Variants in TMLHE observed in about 807,000 individuals in gnomAD.
TMLHE encodes trimethyllysine dioxygenase, mitochondrial.
TMLHE carries 18 observed loss-of-function variants against 25.7 expected under a neutral mutation model. The ratio of observed to expected loss-of-function variants is 0.70; its 90% CI spans 0.48 to 1.04. The LOEUF is 1.04. Among genes scored for constraint, TMLHE ranks in the 50% least tolerant of loss-of-function variants. The pLI, the probability that TMLHE is intolerant of heterozygous loss-of-function variation, is 0.00. For synonymous variants in TMLHE, 105 were observed against 97.0 expected, an observed-to-expected ratio of 1.08 and a Z score of -0.49; for missense variants, 236 against 259.0, an observed-to-expected ratio of 0.91 and a Z score of 0.61.
In TMLHE at chrX:155,546,533, T is replaced by C. The variant is rs1557338709; in HGVS notation, c.-1-1256A>G. The stretch of plus-strand genomic sequence containing the variant: ...GAGTGCCTGTGTGTGTGTGCGCGCA[T>C]GCGTATGTGTGGGTATGTGAGTTGT... On this transcript the variant is annotated intron_variant, in intron 1 of 7. Coordinates refer to ENST00000334398, the MANE Select transcript of TMLHE (RefSeq NM_018196.4). Among the ~76,000 whole-genome samples, 3 of 110,639 alleles carry C rather than the reference T, an allele frequency of 2.7e-5. No individual in the cohort carries two copies. The Admixed American group carries it at 2.9e-4, about 11-fold the overall frequency.
chrX:155,563,251 C>G (rs2067502619), intron 1 of TMLHE, among the ~76,000 whole-genome samples: 1 of 62,683 alleles, frequency 1.6e-5, no homozygotes, highest in African/African-American at 3.5e-5. Flanking sequence ...CCTCATGAAA[C>G]TTAAAATTAT....
At chrX:155,558,517 A>G (rs1340710514) in intron 1 of TMLHE, among the ~76,000 whole-genome samples, 4 of 111,962 alleles carry the variant, frequency 3.6e-5, no homozygotes, top group Non-Finnish European at 7.5e-5. Context: ...CATGGTTCCT[A>G]GTACTTAGCA....
At chrX:155,532,417 A>T (rs1248934636) in intron 2 of TMLHE, among the ~76,000 whole-genome samples, 1 of 111,949 alleles carries the variant, frequency 8.9e-6, no homozygotes, top group Non-Finnish European at 1.9e-5. Context: ...ACCTCCATGT[A>T]CCTATATTAT....
intron 1 of TMLHE, among the ~76,000 whole-genome samples, chrX:155,590,006 C>A (rs1259157714): frequency 9.0e-5 from 10 of 111,625 alleles, no homozygotes; most frequent in Admixed American, 8.6e-4. Flanking sequence ...AAGACATTCC[C>A]AAATGGATAA....
chrX:155,510,231 C>A (rs1342705464), intron 5 of TMLHE, among the ~76,000 whole-genome samples: 1 of 48,022 alleles, frequency 2.1e-5, no homozygotes, highest in South Asian at 1.1e-3. Context: ...GATGAGTTTT[C>A]TTTTTATTTT....
At chrX:155,594,377 A>AT (rs1295019473) in intron 1 of TMLHE, among the ~76,000 whole-genome samples, 1 of 111,546 alleles carries the variant, frequency 9.0e-6, no homozygotes, top group African/African-American at 3.3e-5. Context: ...TGAGGAAGCA[A>AT]TTTTTAAAAA....
At chrX:155,611,839 T>C (rs1557348373) in intron 1 of TMLHE, among the ~76,000 whole-genome samples, 1 of 112,144 alleles carries the variant, frequency 8.9e-6, no homozygotes. Flanking sequence ...TTTGTCTTTA[T>C]AGTTAATGTA....
intron 5 of TMLHE, among the ~76,000 whole-genome samples, chrX:155,510,950 T>C (rs782212073): frequency 1.8e-5 from 2 of 109,909 alleles, no homozygotes; most frequent in African/African-American, 6.6e-5. Context: ...TTCTAACTGG[T>C]GTGAGATGGT....
chrX:155,512,184 T>C (rs370063539), intron 4 of TMLHE, among the ~76,000 whole-genome samples: 1 of 111,041 alleles, frequency 9.0e-6, no homozygotes, highest in South Asian at 3.7e-4. Flanking sequence ...ATTATTATTA[T>C]ACTTTAAGTT....
intron 3 of TMLHE, among the ~76,000 whole-genome samples, chrX:155,520,105 T>C (rs1412825980): frequency 1.6e-4 from 1 of 6,276 alleles, no homozygotes; most frequent in African/African-American, 3.3e-4. Flanking sequence ...TGATGCAGTT[T>C]CTTCCTAGTC....
chrX:155,561,224 G>A (rs1157094936), intron 1 of TMLHE, among the ~76,000 whole-genome samples: 7 of 61,614 alleles, frequency 1.1e-4, no homozygotes, highest in African/African-American at 2.5e-4. Context: ...AGTTCTACAT[G>A]GTTGGAGAGA....
At chrX:155,524,324 A>G in intron 3 of TMLHE, 132 bp downstream of exon 3, 1 of 555,333 alleles carries the variant, frequency 1.8e-6, no homozygotes, top group Non-Finnish European at 2.7e-6. Context: ...ATGTTTCAAA[A>G]AATCCTTCCA....
chrX:155,531,591 G>C (rs965451982), intron 2 of TMLHE, among the ~76,000 whole-genome samples: 3 of 111,765 alleles, frequency 2.7e-5, no homozygotes, highest in Non-Finnish European at 5.6e-5. Flanking sequence ...ATTTGGAGGA[G>C]ACAAACATCC....
rs1458962935 is a variant in TMLHE, at chrX:155,572,606, C to T, written c.-1-27329G>A. Among the ~76,000 whole-genome samples, 15 of 57,121 alleles carry T rather than the reference C, an allele frequency of 2.6e-4. 5 individuals carry two copies. In the East Asian group the frequency reaches 9.5e-3, roughly 36 times the overall value. 49.6% of individuals were successfully genotyped at this position (57,121 alleles called of 115,157 possible). A position where few individuals can be genotyped will look rare whatever the true frequency, so the allele number is the denominator to read the frequency against. ...AACTATACCGCAAGGCTACAGTAACCAAAACAGCATGGTACTGGTACCAAA... is the reference window on the plus strand; with the variant it reads ...AACTATACCGCAAGGCTACAGTAACTAAAACAGCATGGTACTGGTACCAAA... On this transcript the variant is annotated intron_variant, in intron 1 of 7. Transcript: ENST00000334398.
chrX:155,529,033 A>G (rs782141488), intron 2 of TMLHE, among the ~76,000 whole-genome samples: 1 of 112,075 alleles, frequency 8.9e-6, no homozygotes, highest in East Asian at 2.8e-4. Flanking sequence ...ATTAAGCAAT[A>G]GTTTTTAAAA....
chrX:155,543,549 T>A (rs1340043507), intron 2 of TMLHE, among the ~76,000 whole-genome samples: 1 of 112,107 alleles, frequency 8.9e-6, no homozygotes, highest in Non-Finnish European at 1.9e-5. Flanking sequence ...ATGAAAAAAA[T>A]TCCATCTTCG....
chrX:155,563,146 G>T (rs782443792), intron 1 of TMLHE, among the ~76,000 whole-genome samples: 1 of 61,950 alleles, frequency 1.6e-5, no homozygotes, highest in African/African-American at 3.6e-5. Context: ...TTCTGTATTC[G>T]TCCATTTTCA....
chrX:155,575,043 C>A (rs912877700), intron 1 of TMLHE, among the ~76,000 whole-genome samples: 3 of 111,742 alleles, frequency 2.7e-5, no homozygotes, highest in African/African-American at 6.5e-5. Context: ...GCTTAACCAT[C>A]AGAAACATAT....
In TMLHE at chrX:155,567,727, G is replaced by T. The variant is rs190473928; in HGVS notation, c.-1-22450C>A. The stretch of plus-strand genomic sequence containing the variant: ...GGGGTCATTCCCATTCCTTCCACCA[G>T]CCCTGTGGCATGGTCATTTTAAATG... On this transcript the variant is annotated intron_variant, in intron 1 of 7. Transcript: ENST00000334398. Among the ~76,000 whole-genome samples the T allele has an allele frequency of 6.1e-4, 38 of 61,886 alleles. 3 individuals are homozygous for T. The highest frequency in any genetic ancestry group is 1.2e-3 in the African/African-American group (33 of 27,830). The allele number at this position is 61,886 out of a possible 115,157, so 53.7% of individuals were successfully genotyped here.
Sources: gnomAD v4.1 joint callset for allele counts (sites outside exome capture counted in the v4.1 genomes callset) on GRCh38, gnomAD v4.1.1 for gene constraint, MANE v1.5 for transcripts, NCBI Gene and HGNC (gene_info 2026-07-23, HGNC 2026-07-21) for gene names.